Variants in CLDN8 observed in about 807,000 individuals in gnomAD.
CLDN8 encodes claudin 8.
Under a neutral mutation model 2.2 loss-of-function variants are expected in CLDN8, and 2 were observed. The ratio of observed to expected loss-of-function variants is 0.90; its 90% CI spans 0.37 to 2.82. CLDN8 has a LOEUF of 2.82. Ranked by LOEUF, CLDN8 falls within the 30% of genes most tolerant of loss-of-function variation. The probability of loss-of-function intolerance (pLI) is 0.10; values close to 1 mark genes in which losing one functional copy is unlikely to be tolerated. For synonymous variants in CLDN8, 107 were observed against 104.8 expected (o/e 1.02, Z -0.13); for missense variants, 314 against 280.5 (o/e 1.12, Z -0.85).
chr21:30,215,079 C>A lies in CLDN8; in HGVS notation c.*169G>T. ...AAAGCATTGGGTTTAATATCTCATTCTGCTGAAATAGCTTATAGAATCATA... is the reference window on the plus strand; with the variant it reads ...AAAGCATTGGGTTTAATATCTCATTATGCTGAAATAGCTTATAGAATCATA... On this transcript the variant is annotated 3_prime_UTR_variant, in exon 1 of 1. Transcript: ENST00000399899. 1.7e-6 allele frequency: 1 copy of A among 596,968 alleles called. No homozygotes were observed. The highest frequency in any genetic ancestry group is 2.9e-6 in the Non-Finnish European group (1 of 341,952). 37.0% of individuals were successfully genotyped at this position (596,968 alleles called of 1,614,324 possible). A position where few individuals can be genotyped will look rare whatever the true frequency, so the allele number is the denominator to read the frequency against.
rs1194687583 is a variant in CLDN8 at position 30,215,444 on chromosome 21, A to G, written c.482T>C (p.Leu161Pro). 1.2e-6 allele frequency: 2 copies of G among 1,613,958 alleles called. No homozygotes were observed. Among genetic ancestry groups the G allele is most frequent in the Non-Finnish European group, 8.5e-7 (1 of 1,179,994 alleles). The change falls in exon 1 of 1, where the codon CTT becomes CCT. Residue 161 changes from leucine to proline, a missense_variant. Leu to Pro is a moderately conservative substitution (Grantham distance 98, BLOSUM62 -3). Transcript: ENST00000399899. ...CCATCCTAAGTAGAGAGCTTCTCCA[A>G]GCTCACGTTTTTGGGCAACATTCAC... is the stretch of plus-strand genomic sequence containing the variant. ...SIVNVAQKRELGEALYLGWTT... is the reference protein window; with the variant it reads ...SIVNVAQKREPGEALYLGWTT...
rs1568786693 is a variant in CLDN8 at position 30,215,286 on chromosome 21, T to G, written c.640A>C (p.Lys214Gln). 1.2e-6 allele frequency: 2 copies of G among 1,613,738 alleles called. No homozygotes were observed. The highest frequency in any genetic ancestry group is 2.2e-5 in the South Asian group (2 of 91,062). ...CTTCTGGAGTAGACGCTCGGTGACT[T>G]CTTTCCGGTGTGATAACTTTTTTGG... Reference protein sequence around the residue: ...TTQKSYHTGKKSPSVYSRSQY... With the variant: ...TTQKSYHTGKQSPSVYSRSQY... The change falls in exon 1 of 1, where the codon AAG becomes CAG. Residue 214 changes from lysine (K) to glutamine (Q), a missense_variant. Lys to Gln is a moderately conservative substitution (Grantham distance 53). Coordinates refer to ENST00000399899, the MANE Select transcript of CLDN8 (RefSeq NM_199328.3).
At position 30,215,221 on chromosome 21, in the gene CLDN8, A is replaced by T. The variant is rs755095093; in HGVS notation, c.*27T>A. Reference sequence around the variant, plus strand: ...AGATTTTTGTCATTTGCATGGCTTTATAGTAAAGTTAAAAAAACATACACA... The same window carrying T: ...AGATTTTTGTCATTTGCATGGCTTTTTAGTAAAGTTAAAAAAACATACACA... On this transcript the variant is annotated 3_prime_UTR_variant, in exon 1 of 1. Coordinates refer to ENST00000399899, the MANE Select transcript of CLDN8 (RefSeq NM_199328.3). The T allele has an allele frequency of 4.3e-5, 69 of 1,592,420 alleles. No individual in the cohort carries two copies. The highest frequency in any genetic ancestry group is 5.4e-5 in the Non-Finnish European group (63 of 1,163,438).
In CLDN8 at chr21:30,215,373, C is replaced by T. The variant is rs780074870; in HGVS notation, c.553G>A (p.Val185Ile). The T allele has an allele frequency of 6.2e-7, 1 of 1,613,970 alleles. No individual in the cohort carries two copies. The highest frequency in any genetic ancestry group is 1.3e-5 in the African/African-American group (1 of 74,894). ...LIVGGALFCC[V>I]FCCNEKSSSY... ...CTGCTCTTTTCGTTGCAACAAAAAA[C>T]GCAGCAGAACAGAGCTCCTCCAACA... Residue 185 changes from valine to isoleucine, a missense_variant, in exon 1 of 1, where the codon GTT (valine) becomes ATT (isoleucine). Val to Ile is a conservative substitution (Grantham distance 29, BLOSUM62 3). Coordinates refer to ENST00000399899, the MANE Select transcript of CLDN8 (RefSeq NM_199328.3).
In CLDN8 at chr21:30,215,594, T is replaced by A. The variant is rs1470616708; in HGVS notation, c.332A>T (p.Asn111Ile). The A allele has an allele frequency of 1.9e-6, 3 of 1,614,092 alleles. No homozygotes were observed. The South Asian group carries it at 3.3e-5, about 18-fold the overall frequency. Residue 111 changes from asparagine to isoleucine, a missense_variant, in exon 1 of 1, where the codon AAT becomes ATT. Asn to Ile is a moderately radical substitution (Grantham distance 149). Coordinates refer to ENST00000399899, the MANE Select transcript of CLDN8 (RefSeq NM_199328.3). ...GMKCTRCTGD[N>I]EKVKAHILLT... ...CAGAATGTGAGCCTTCACCTTCTCATTGTCCCCCGTGCACCTGGTGCATTT... is the reference window on the plus strand; with the variant it reads ...CAGAATGTGAGCCTTCACCTTCTCAATGTCCCCCGTGCACCTGGTGCATTT...
In CLDN8 at chr21:30,215,275, G is replaced by C. The variant is rs760307552; in HGVS notation, c.651C>G (p.Ser217Arg). 1.2e-6 allele frequency: 2 copies of C among 1,613,438 alleles called. No homozygotes were observed. Among genetic ancestry groups the C allele is most frequent in the East Asian group, 2.2e-5 (1 of 44,838 alleles). Residue 217 changes from serine to arginine, a missense_variant, in exon 1 of 1, where the codon AGC becomes AGG. Physicochemically the swap from Ser to Arg is moderately radical, Grantham distance 110. Coordinates refer to ENST00000399899, the MANE Select transcript of CLDN8 (RefSeq NM_199328.3). ...ACACATACTGACTTCTGGAGTAGAC[G>C]CTCGGTGACTTCTTTCCGGTGTGAT... is the stretch of plus-strand genomic sequence containing the variant. The part of the protein sequence containing the change: ...KSYHTGKKSP[S>R]VYSRSQYV
In CLDN8 at chr21:30,215,361, T is replaced by C; in HGVS notation, c.565A>G (p.Asn189Asp). 1 of 1,614,140 alleles carries C rather than the reference T, an allele frequency of 6.2e-7. No individual in the cohort carries two copies. The highest frequency in any genetic ancestry group is 1.1e-5 in the South Asian group (1 of 91,086). The change falls in exon 1 of 1, where the codon AAC becomes GAC. Residue 189 changes from asparagine to aspartate, a missense_variant. Physicochemically the swap from Asn to Asp is conservative, Grantham distance 23. Transcript: ENST00000399899. ...GALFCCVFCCNEKSSSYRYSI... is the reference protein window; with the variant it reads ...GALFCCVFCCDEKSSSYRYSI... ...TATCTGTAGCTACTGCTCTTTTCGT[T>C]GCAACAAAAAACGCAGCAGAACAGA...
Position 30,215,599 on chromosome 21 carries a change from C to A in CLDN8, c.327G>T (p.Gly109=). The change falls in exon 1 of 1, where the codon GGG becomes GGT. Residue 109 remains glycine (G), a synonymous_variant. Transcript: ENST00000399899. ...TGTGAGCCTTCACCTTCTCATTGTC[C>A]CCCGTGCACCTGGTGCATTTCATGC... ...ILGMKCTRCT[G]DNEKVKAHIL... 6.2e-7 allele frequency: 1 copy of A among 1,613,986 alleles called. No individual in the cohort carries two copies. The highest frequency in any genetic ancestry group is 8.5e-7 in the Non-Finnish European group (1 of 1,179,996).
rs370704016 is a variant in CLDN8 at position 30,215,568 on chromosome 21, G to A, written c.358C>T (p.Leu120=). Reference sequence around the variant, plus strand: ...ATGATGAAGATGATTCCAGCCGTCAGCAGAATGTGAGCCTTCACCTTCTCA... The same window carrying A: ...ATGATGAAGATGATTCCAGCCGTCAACAGAATGTGAGCCTTCACCTTCTCA... ...DNEKVKAHIL[L]TAGIIFIITG... The change falls in exon 1 of 1, where the codon CTG becomes TTG. Residue 120 remains leucine (L), a synonymous_variant. Transcript: ENST00000399899. 6.2e-6 allele frequency: 10 copies of A among 1,613,946 alleles called. No homozygotes were observed. The highest frequency in any genetic ancestry group is 5.1e-6 in the Non-Finnish European group (6 of 1,180,022).
chr21:30,215,244 A>C lies in CLDN8; in HGVS notation c.*4T>G. 6.2e-7 allele frequency: 1 copy of C among 1,607,560 alleles called. No homozygotes were observed. Among genetic ancestry groups the C allele is most frequent in the South Asian group, 1.1e-5 (1 of 90,488 alleles). The stretch of plus-strand genomic sequence containing the variant: ...TTATAGTAAAGTTAAAAAAACATAC[A>C]CAACTACACATACTGACTTCTGGAG... On this transcript the variant is annotated 3_prime_UTR_variant, in exon 1 of 1. Coordinates refer to ENST00000399899, the MANE Select transcript of CLDN8 (RefSeq NM_199328.3).
rs780074870 is a variant in CLDN8, at chr21:30,215,373, C to A, written c.553G>T (p.Val185Phe). The A allele has an allele frequency of 1.9e-6, 3 of 1,614,088 alleles. No homozygotes were observed. Among genetic ancestry groups the A allele is most frequent in the South Asian group, 1.1e-5 (1 of 91,082 alleles). The change falls in exon 1 of 1, where the codon GTT becomes TTT. Residue 185 changes from valine (V) to phenylalanine (F), a missense_variant. Val to Phe is a conservative substitution (Grantham distance 50). Coordinates refer to ENST00000399899, the MANE Select transcript of CLDN8 (RefSeq NM_199328.3). ...LIVGGALFCC[V>F]FCCNEKSSSY... Reference sequence around the variant, plus strand: ...CTGCTCTTTTCGTTGCAACAAAAAACGCAGCAGAACAGAGCTCCTCCAACA... The same window carrying A: ...CTGCTCTTTTCGTTGCAACAAAAAAAGCAGCAGAACAGAGCTCCTCCAACA...
chr21:30,215,546 A>G lies in CLDN8; in HGVS notation c.380T>C (p.Ile127Thr), dbSNP rs141376936. 1 of 1,614,084 alleles carries G rather than the reference A, an allele frequency of 6.2e-7. No individual in the cohort carries two copies. Among genetic ancestry groups the G allele is most frequent in the Non-Finnish European group, 8.5e-7 (1 of 1,180,026 alleles). Residue 127 changes from isoleucine (I) to threonine (T), a missense_variant, in exon 1 of 1, where the codon ATC becomes ACC. Coordinates refer to ENST00000399899, the MANE Select transcript of CLDN8 (RefSeq NM_199328.3). ...HILLTAGIIF[I>T]ITGMVVLIPV... ...GATGAGCACCACCATGCCCGTGATG[A>G]TGAAGATGATTCCAGCCGTCAGCAG...
Position 30,215,521 on chromosome 21 carries a change from G to C in CLDN8, c.405C>G (p.Ile135Met). 3.1e-6 allele frequency: 5 copies of C among 1,614,040 alleles called. No homozygotes were observed. In the South Asian group the frequency reaches 3.3e-5, roughly 11 times the overall value. ...TGGCATTGGCAACCCAGCTCACAGG[G>C]ATGAGCACCACCATGCCCGTGATGA... ...IFIITGMVVLIPVSWVANAII... is the reference protein window; with the variant it reads ...IFIITGMVVLMPVSWVANAII... Residue 135 changes from isoleucine (I) to methionine (M), a missense_variant, in exon 1 of 1, where the codon ATC becomes ATG. By Grantham distance (10) the Ile-to-Met change is conservative (BLOSUM62 1). Coordinates refer to ENST00000399899, the MANE Select transcript of CLDN8 (RefSeq NM_199328.3).
Position 30,215,564 on chromosome 21 carries a change from G to C in CLDN8, c.362C>G (p.Thr121Arg). Residue 121 changes from threonine (T) to arginine (R), a missense_variant, in exon 1 of 1, where the codon ACG (threonine) becomes AGG (arginine). Physicochemically the swap from Thr to Arg is moderately conservative, Grantham distance 71 (BLOSUM62 -1). Coordinates refer to ENST00000399899, the MANE Select transcript of CLDN8 (RefSeq NM_199328.3). The stretch of plus-strand genomic sequence containing the variant: ...CGTGATGATGAAGATGATTCCAGCC[G>C]TCAGCAGAATGTGAGCCTTCACCTT... The part of the protein sequence containing the change: ...NEKVKAHILL[T>R]AGIIFIITGM... 6.2e-7 allele frequency: 1 copy of C among 1,614,038 alleles called. No individual in the cohort carries two copies.
chr21:30,215,058 C>A lies in CLDN8; in HGVS notation c.*190G>T. The A allele has an allele frequency of 3.5e-6, 2 of 572,042 alleles. No homozygotes were observed. The highest frequency in any genetic ancestry group is 6.2e-6 in the Non-Finnish European group (2 of 324,732). 35.4% of individuals were successfully genotyped at this position (572,042 alleles called of 1,614,324 possible). Reference sequence around the variant, plus strand: ...ACTATACTTTCTAGAACAATCAAAGCATTGGGTTTAATATCTCATTCTGCT... The same window carrying A: ...ACTATACTTTCTAGAACAATCAAAGAATTGGGTTTAATATCTCATTCTGCT... On this transcript the variant is annotated 3_prime_UTR_variant, in exon 1 of 1. Transcript: ENST00000399899.
Position 30,215,072 on chromosome 21 carries a change from T to TC in CLDN8, c.*175dup, listed in dbSNP as rs1978906696. 1.7e-6 allele frequency: 1 copy of TC among 592,432 alleles called. No individual in the cohort carries two copies. The highest frequency in any genetic ancestry group is 2.3e-5 in the South Asian group (1 of 43,998). 36.7% of individuals were successfully genotyped at this position (592,432 alleles called of 1,614,324 possible). On this transcript the variant is annotated 3_prime_UTR_variant, in exon 1 of 1. Coordinates refer to ENST00000399899, the MANE Select transcript of CLDN8 (RefSeq NM_199328.3). ...AACAATCAAAGCATTGGGTTTAATA[T>TC]CTCATTCTGCTGAAATAGCTTATAG...
In CLDN8 at chr21:30,214,371, C is replaced by A. The variant is rs1323959469; in HGVS notation, c.*877G>T. The A allele has an allele frequency of 6.6e-6, 1 of 152,070 alleles. No homozygotes were observed. The highest frequency in any genetic ancestry group is 2.4e-5 in the African/African-American group (1 of 41,430). The allele number at this position is 152,070 out of a possible 1,614,324, so 9.4% of individuals were successfully genotyped here. A position where few individuals can be genotyped will look rare whatever the true frequency, so the allele number is the denominator to read the frequency against. On this transcript the variant is annotated 3_prime_UTR_variant, in exon 1 of 1. Coordinates refer to ENST00000399899, the MANE Select transcript of CLDN8 (RefSeq NM_199328.3). ...TTGATGAAACCTCAAAGTCTGTACT[C>A]AAATACTTATTAAAATATATCCATA...
Position 30,215,430 on chromosome 21 carries a change from A to G in CLDN8, c.496T>C (p.Tyr166His). ...ACCAGTGCCGTGGTCCATCCTAAGT[A>G]GAGAGCTTCTCCAAGCTCACGTTTT... The part of the protein sequence containing the change: ...AQKRELGEAL[Y>H]LGWTTALVLI... Residue 166 changes from tyrosine (Y) to histidine (H), a missense_variant, in exon 1 of 1, where the codon TAC (tyrosine) becomes CAC (histidine). Tyr to His is a moderately conservative substitution (Grantham distance 83, BLOSUM62 2). Coordinates refer to ENST00000399899, the MANE Select transcript of CLDN8 (RefSeq NM_199328.3). The G allele has an allele frequency of 6.2e-7, 1 of 1,614,110 alleles. No homozygotes were observed. The highest frequency in any genetic ancestry group is 8.5e-7 in the Non-Finnish European group (1 of 1,179,982).
rs1317239997 is a variant in CLDN8, at chr21:30,215,846, A to C, written c.80T>G (p.Met27Arg). The C allele has an allele frequency of 6.2e-7, 1 of 1,614,028 alleles. No homozygotes were observed. The highest frequency in any genetic ancestry group is 8.5e-7 in the Non-Finnish European group (1 of 1,179,922). ...GAAGGCCGACACTCTCCACTGAGGC[A>C]TGACAGTGACAGCCACTGTGCCCAC... ...GMVGTVAVTV[M>R]PQWRVSAFIE... Residue 27 changes from methionine to arginine, a missense_variant, in exon 1 of 1, where the codon ATG becomes AGG. Met to Arg is a moderately conservative substitution (Grantham distance 91). Coordinates refer to ENST00000399899, the MANE Select transcript of CLDN8 (RefSeq NM_199328.3).
Sources: gnomAD v4.1 joint callset for allele counts on GRCh38, gnomAD v4.1.1 for gene constraint, MANE v1.5 for transcripts, NCBI Gene and HGNC (gene_info 2026-07-23, HGNC 2026-07-21) for gene names.